The following OSBPL9 variants were observed in gnomAD, a reference collection of about 807,000 sequenced individuals.
The protein encoded by OSBPL9 is oxysterol binding protein like 9, also known as oxysterol-binding protein-related protein 9.
OSBPL9 carries 40 observed loss-of-function variants against 106.6 expected under a neutral mutation model. The observed-to-expected ratio is 0.38, with a 90% confidence interval of 0.29 to 0.49. The LOEUF is 0.49. Among genes scored for constraint, OSBPL9 ranks in the 20% least tolerant of loss-of-function variants. OSBPL9 has a pLI of 0.97. For missense variants in OSBPL9, 609 were observed against 887.2 expected (o/e 0.69, Z 3.98); for synonymous variants, 269 against 295.4 (o/e 0.91, Z 0.92).
At position 51,588,251 on chromosome 1, in the gene OSBPL9, G is replaced by A. The variant is rs181353091; in HGVS notation, c.-422-9873G>A. ...TACAAAATTAGCCAGGCATGGCGGC[G>A]CATGCCTGTAATCCCAGCTACTCGG... On this transcript the variant is annotated intron_variant, in intron 1 of 25. Transcript: ENST00000371714. 8.5e-3 allele frequency among the ~76,000 whole-genome samples: 1,297 copies of A among 152,186 alleles called. 20 individuals are homozygous for A. The highest frequency in any genetic ancestry group is 0.029 in the African/African-American group (1,211 of 41,522).
chr1:51,735,456 C>G (rs868012988), intron 4 of OSBPL9, among the ~76,000 whole-genome samples: 1 of 152,042 alleles, frequency 6.6e-6, no homozygotes, highest in Non-Finnish European at 1.5e-5. Context: ...TGCTTTACCC[C>G]TCCCATTTCT....
chr1:51,543,603 G>T, the OSBPL9 span, among the ~76,000 whole-genome samples: 3 of 152,138 alleles, frequency 2.0e-5, no homozygotes, highest in African/African-American at 7.2e-5. Flanking sequence ...CACCGTGTTA[G>T]CCAGGGTGGT....
At chr1:51,532,653 G>A in the OSBPL9 span, among the ~76,000 whole-genome samples, 1 of 152,260 alleles carries the variant, frequency 6.6e-6, no homozygotes, top group Non-Finnish European at 1.5e-5. Context: ...TTTCCCAAAG[G>A]CAGAGAGTAG....
intron 4 of OSBPL9, among the ~76,000 whole-genome samples, chr1:51,723,808 A>G (rs907726713): frequency 7.2e-5 from 11 of 152,240 alleles, no homozygotes; most frequent in African/African-American, 2.7e-4. Flanking sequence ...TGAAGTTACT[A>G]TAAACATTGT....
chr1:51,531,328 T>A, the OSBPL9 span, among the ~76,000 whole-genome samples: 1 of 152,116 alleles, frequency 6.6e-6, no homozygotes, highest in Admixed American at 6.6e-5. Context: ...TTTGGACTAT[T>A]GTGGGGAAAT....
rs1557813411 is a variant in OSBPL9 at position 51,756,368 on chromosome 1, A to T, written c.582+10A>T. The T allele has an allele frequency of 6.2e-7, 1 of 1,612,010 alleles. No individual in the cohort carries two copies. Among genetic ancestry groups the T allele is most frequent in the South Asian group, 1.1e-5 (1 of 90,898 alleles). The stretch of plus-strand genomic sequence containing the variant: ...CGCAGATGGAATGATAGTAAGTTTA[A>T]TGTAATCTTTTTGTTTCCCTTTACT... On this transcript the variant is annotated intron_variant, in intron 9 of 23. Coordinates refer to ENST00000428468, the MANE Select transcript of OSBPL9 (RefSeq NM_024586.6).
chr1:51,519,251 G>C, the OSBPL9 span: 4 of 1,362,274 alleles, frequency 2.9e-6, no homozygotes, highest in Admixed American at 2.8e-5. Context: ...ATCATGCAAG[G>C]GAGGGGAAGG....
the OSBPL9 span, among the ~76,000 whole-genome samples, chr1:51,524,501 T>C: frequency 7.9e-5 from 12 of 152,224 alleles, no homozygotes; most frequent in African/African-American, 2.9e-4. Flanking sequence ...TGAAGGTTTA[T>C]GTGAAAACCT....
intron 2 of OSBPL9, among the ~76,000 whole-genome samples, chr1:51,604,129 C>T (rs576399917): frequency 7.2e-5 from 11 of 152,312 alleles, no homozygotes; most frequent in Admixed American, 1.3e-4. Flanking sequence ...CAGTGAGCTG[C>T]GTGTGTTCCC....
At chr1:51,679,759 A>C (rs1226976714) in intron 3 of OSBPL9, among the ~76,000 whole-genome samples, 6 of 152,174 alleles carry the variant, frequency 3.9e-5, no homozygotes, top group Non-Finnish European at 7.3e-5. Flanking sequence ...AGTGTACTGC[A>C]ATGTTTGTGT....
At chr1:51,784,714 G>C in intron 20 of OSBPL9, 132 bp downstream of exon 20, 5 of 1,099,790 alleles carry the variant, frequency 4.5e-6, no homozygotes, top group Non-Finnish European at 6.4e-6. Context: ...CATTTTATGT[G>C]TCATGTCTTT....
chr1:51,565,042 T>TC, the OSBPL9 span, among the ~76,000 whole-genome samples: 3 of 151,900 alleles, frequency 2.0e-5, no homozygotes, highest in Admixed American at 2.0e-4. Context: ...TACACCTCCC[T>TC]CCACCAAGGA....
chr1:51,535,073 C>T, the OSBPL9 span, among the ~76,000 whole-genome samples: 2 of 152,196 alleles, frequency 1.3e-5, no homozygotes, highest in African/African-American at 2.4e-5. Flanking sequence ...GGTGTGTTCA[C>T]GGGACCTTTA....
chr1:51,537,732 G>A, the OSBPL9 span, among the ~76,000 whole-genome samples: 2 of 151,820 alleles, frequency 1.3e-5, no homozygotes, highest in South Asian at 2.1e-4. Flanking sequence ...ATAGAGATGG[G>A]GTCTCACTAT....
At chr1:51,749,743 T>C (rs1201617217) in intron 7 of OSBPL9, among the ~76,000 whole-genome samples, 2 of 151,712 alleles carry the variant, frequency 1.3e-5, no homozygotes, top group East Asian at 3.9e-4. Flanking sequence ...GGCATGTGCA[T>C]GTAGTGCCAG....
chr1:51,578,073 T>C lies in OSBPL9; in HGVS notation c.-423+817T>C, dbSNP rs192056921. On this transcript the variant is annotated intron_variant, in intron 1 of 25. Transcript: ENST00000371714. ...CTACCAGACTAGTAAAATCTATAAC[T>C]ATTCTGCTGACCGTTGTGTGCCAGT... 2.9e-3 allele frequency among the ~76,000 whole-genome samples: 448 copies of C among 152,332 alleles called. 4 individuals carry two copies. Among genetic ancestry groups the C allele is most frequent in the Non-Finnish European group, 7.9e-4 (54 of 68,026 alleles).
In OSBPL9 at chr1:51,760,633, G is replaced by A. The variant is rs1425416164; in HGVS notation, c.583-57G>A. On this transcript the variant is annotated intron_variant, in intron 9 of 23. Transcript: ENST00000428468. The stretch of plus-strand genomic sequence containing the variant: ...AGTCATAAATGTGGGCATTTGGGAG[G>A]GTAGCATGAGAAGAGCATTTAATTA... The A allele has an allele frequency of 1.9e-6, 3 of 1,608,548 alleles. No individual in the cohort carries two copies. In the East Asian group the frequency reaches 6.7e-5, roughly 36 times the overall value.
rs1676994019 is a variant in OSBPL9 at position 51,783,952 on chromosome 1, A to G, written c.1551A>G (p.Ile517Met). 1.2e-6 allele frequency: 2 copies of G among 1,614,026 alleles called. No homozygotes were observed. The highest frequency in any genetic ancestry group is 1.7e-6 in the Non-Finnish European group (2 of 1,179,872). The change falls in exon 18 of 24, where the codon ATA (isoleucine) becomes ATG (methionine). Residue 517 changes from isoleucine (I) to methionine (M), a missense_variant. Physicochemically the swap from Ile to Met is conservative, Grantham distance 10. This residue lies in a region of OSBPL9 where 356 missense variants were observed against 505.8 expected (regional missense o/e 0.70). Transcript: ENST00000428468. ...ATGCTGAGTGTTTTAACAAGAAGAT[A>G]CAATTCAATGCTCATATCTGGACCA... ...AFYAECFNKK[I>M]QFNAHIWTKS...
intron 22 of OSBPL9, among the ~76,000 whole-genome samples, chr1:51,786,911 C>T (rs188901143): frequency 2.6e-5 from 4 of 152,290 alleles, no homozygotes; most frequent in Admixed American, 2.6e-4. Flanking sequence ...CTTATTCTCT[C>T]CATTCATACT....
Sources: gnomAD v4.1 joint callset for allele counts (sites outside exome capture counted in the v4.1 genomes callset) on GRCh38, gnomAD v4.1.1 for gene constraint, gnomAD v4.1.1 regional missense constraint, MANE v1.5 for transcripts, NCBI Gene and HGNC (gene_info 2026-07-23, HGNC 2026-07-21) for gene names.